The following NBAS variants were observed in gnomAD, a reference collection of about 807,000 sequenced individuals.
The protein encoded by NBAS is NAG/BC035112 fusion.
In NBAS, 219 loss-of-function variants were observed where a neutral mutation model predicts 302.5. The ratio of observed to expected loss-of-function variants is 0.72; its 90% CI spans 0.65 to 0.81. NBAS has a LOEUF of 0.81. NBAS is among the 30% of genes least tolerant of loss of function. NBAS has a pLI of 0.00. For missense variants in NBAS, 2,932 were observed against 2,841.6 expected (o/e 1.03, Z -0.72); for synonymous variants, 1,118 against 1,021.6 (o/e 1.09, Z -1.80).
At chr2:14,878,112 A>G in the NBAS span, among the ~76,000 whole-genome samples, 1 of 152,348 alleles carries the variant, frequency 6.6e-6, no homozygotes, top group Admixed American at 6.5e-5. Context: ...GCTCCCATTT[A>G]GTGCTAGCTT....
chr2:15,001,865 C>T, the NBAS span, among the ~76,000 whole-genome samples: 1 of 152,082 alleles, frequency 6.6e-6, no homozygotes, highest in African/African-American at 2.4e-5. Flanking sequence ...AAAGAGTGAG[C>T]AGTAGCAAGA....
chr2:15,546,383 T>C (rs1348033163), intron 6 of NBAS, among the ~76,000 whole-genome samples: 1 of 152,212 alleles, frequency 6.6e-6, no homozygotes. Context: ...GGTTATCATA[T>C]AATCTGAGGA....
At chr2:15,249,808 A>AG (rs1313384218) in intron 44 of NBAS, among the ~76,000 whole-genome samples, 1 of 152,234 alleles carries the variant, frequency 6.6e-6, no homozygotes, top group Admixed American at 6.5e-5. Context: ...GAAATAAGGG[A>AG]GGACACAAAC....
At chr2:15,199,603 T>C (rs1665783397) in intron 48 of NBAS, among the ~76,000 whole-genome samples, 1 of 152,180 alleles carries the variant, frequency 6.6e-6, no homozygotes, top group South Asian at 2.1e-4. Flanking sequence ...ACAGGAATTA[T>C]AAATGATAAT....
rs1662132629 is a variant in NBAS, at chr2:15,511,307, A to G, written c.790T>C (p.Ser264Pro). The G allele has an allele frequency of 1.9e-6, 3 of 1,614,008 alleles. No homozygotes were observed. The highest frequency in any genetic ancestry group is 2.5e-6 in the Non-Finnish European group (3 of 1,179,992). Reference sequence around the variant, plus strand: ...GAAAGGCCACAGCTAGAAGCTTTTGACATGCCTACTTCAGCAGTTTCACAT... The same window carrying G: ...GAAAGGCCACAGCTAGAAGCTTTTGGCATGCCTACTTCAGCAGTTTCACAT... ...GGCETAEVGM[S>P]KASSCGLSAW... Residue 264 changes from serine to proline, a missense_variant, in exon 10 of 52, where the codon TCA (serine) becomes CCA (proline). Transcript: ENST00000281513.
At chr2:14,892,407 G>A in the NBAS span, among the ~76,000 whole-genome samples, 1 of 152,124 alleles carries the variant, frequency 6.6e-6, no homozygotes, top group East Asian at 1.9e-4. Context: ...GGGCTCACAG[G>A]GCGACATAGA....
chr2:15,438,838 T>C (rs904922943), intron 21 of NBAS, among the ~76,000 whole-genome samples: 1 of 152,030 alleles, frequency 6.6e-6, no homozygotes, highest in Admixed American at 6.5e-5. Context: ...TGTGTACCTG[T>C]GATGAAATCA....
intron 40 of NBAS, among the ~76,000 whole-genome samples, chr2:15,296,719 G>A (rs548327697): frequency 9.2e-5 from 14 of 152,124 alleles, no homozygotes; most frequent in African/African-American, 3.4e-4. Flanking sequence ...CATGCCTGTA[G>A]TCCTACCTAC....
chr2:15,137,577 T>C, the NBAS span, among the ~76,000 whole-genome samples: 1 of 152,174 alleles, frequency 6.6e-6, no homozygotes, highest in Non-Finnish European at 1.5e-5. Flanking sequence ...AGAAAACATC[T>C]GCATTCAAGT....
chr2:15,389,827 T>C (rs1241620981), intron 28 of NBAS, among the ~76,000 whole-genome samples: 1 of 152,206 alleles, frequency 6.6e-6, no homozygotes, highest in Non-Finnish European at 1.5e-5. Flanking sequence ...GGCACGATCA[T>C]GGCTCACTGC....
the NBAS span, among the ~76,000 whole-genome samples, chr2:14,786,474 C>T: frequency 2.0e-5 from 3 of 151,918 alleles, no homozygotes; most frequent in African/African-American, 7.3e-5. Flanking sequence ...TATAAATTTC[C>T]CGCTACACAC....
the NBAS span, among the ~76,000 whole-genome samples, chr2:14,805,421 G>A: frequency 2.0e-5 from 3 of 152,176 alleles, no homozygotes; most frequent in East Asian, 1.9e-4. Context: ...AGGATAAGGA[G>A]TCTGAACTTT....
chr2:15,328,090 G>A lies in NBAS; in HGVS notation c.4461+109C>T, dbSNP rs1672157630. On this transcript the variant is annotated intron_variant, in intron 37 of 51. Transcript: ENST00000281513. ...ATGTAAAAACCAATGAATAACATGAGTAAGAACCAAGACAAATAAGTATAT... is the reference window on the plus strand; with the variant it reads ...ATGTAAAAACCAATGAATAACATGAATAAGAACCAAGACAAATAAGTATAT... 5.6e-6 allele frequency: 7 copies of A among 1,244,150 alleles called. No individual in the cohort carries two copies. In the Admixed American group the frequency reaches 1.3e-4, roughly 24 times the overall value. 77.1% of individuals were successfully genotyped at this position (1,244,150 alleles called of 1,614,324 possible).
the NBAS span, among the ~76,000 whole-genome samples, chr2:15,084,943 C>T: frequency 6.6e-6 from 1 of 152,238 alleles, no homozygotes; most frequent in Non-Finnish European, 1.5e-5. Flanking sequence ...AAGGTAATGG[C>T]AGTAGCGGGC....
At chr2:14,951,202 A>C in the NBAS span, among the ~76,000 whole-genome samples, 5 of 152,338 alleles carry the variant, frequency 3.3e-5, no homozygotes, top group African/African-American at 1.2e-4. Context: ...AATAGGTTGA[A>C]AAATATTTTC....
chr2:15,493,535 C>CA (rs1189173355), intron 11 of NBAS, among the ~76,000 whole-genome samples: 2 of 151,994 alleles, frequency 1.3e-5, no homozygotes, highest in Non-Finnish European at 2.9e-5. Context: ...GGCATGATGG[C>CA]AAGTGCCTAT....
At chr2:15,207,157 A>C (rs1474753133) in intron 48 of NBAS, among the ~76,000 whole-genome samples, 1 of 152,214 alleles carries the variant, frequency 6.6e-6, no homozygotes, top group Admixed American at 6.5e-5. Context: ...GGGAGCCTAC[A>C]TCTTGCATGA....
chr2:14,912,288 AT>A, the NBAS span, among the ~76,000 whole-genome samples: 1 of 152,104 alleles, frequency 6.6e-6, no homozygotes, highest in Non-Finnish European at 1.5e-5. Flanking sequence ...TGTCCATAGT[AT>A]TTTTTTCACT....
the NBAS span, among the ~76,000 whole-genome samples, chr2:14,790,662 T>C: frequency 1.3e-5 from 2 of 151,360 alleles, no homozygotes; most frequent in African/African-American, 4.9e-5. Flanking sequence ...TTTTTTTTTT[T>C]TTTTTTGAGA....
Sources: allele counts gnomAD v4.1 joint callset (sites outside exome capture counted in the v4.1 genomes callset), GRCh38; gene constraint gnomAD v4.1.1; transcripts MANE v1.5; gene names NCBI Gene and HGNC (gene_info 2026-07-23, HGNC 2026-07-21).